GRIP1: variants seen among roughly 807,000 people sequenced by gnomAD.
GRIP1 encodes glutamate receptor-interacting protein 1.
GRIP1 carries 45 observed loss-of-function variants against 129.9 expected under a neutral mutation model. That is an observed-to-expected ratio of 0.35 (90% CI 0.27 to 0.44). The LOEUF (loss-of-function observed/expected upper bound fraction) is 0.44. GRIP1 is among the 20% of genes least tolerant of loss of function. The pLI is 1.00. For synonymous variants in GRIP1, 530 were observed against 520.8 expected (o/e 1.02, Z -0.24); for missense variants, 1,196 against 1,396.8 (o/e 0.86, Z 2.29).
chr12:66,605,553 C>T (rs187432280), intron 1 of GRIP1, among the ~76,000 whole-genome samples: 1 of 152,128 alleles, frequency 6.6e-6, no homozygotes, highest in Non-Finnish European at 1.5e-5. Context: ...GGAAAATGAT[C>T]CACATATATC....
chr12:66,402,718 C>T (rs572332593), intron 16 of GRIP1, among the ~76,000 whole-genome samples: 15 of 152,264 alleles, frequency 9.9e-5, no homozygotes, highest in South Asian at 8.3e-4. Flanking sequence ...GGAGAATATA[C>T]GCTGAATATT....
intron 1 of GRIP1, among the ~76,000 whole-genome samples, chr12:66,791,745 T>C (rs1296314540): frequency 6.6e-6 from 1 of 152,186 alleles, no homozygotes; most frequent in African/African-American, 2.4e-5. Context: ...AGCTGAGTTG[T>C]ATACTGGTGC....
At chr12:66,447,544 G>A (rs2058666393) in intron 11 of GRIP1, among the ~76,000 whole-genome samples, 1 of 152,120 alleles carries the variant, frequency 6.6e-6, no homozygotes, top group Admixed American at 6.5e-5. Flanking sequence ...ACAACATTCT[G>A]TTTAGCCTCA....
rs149045791 is a variant in GRIP1 at position 66,512,078 on chromosome 12, C to T, written c.724+3541G>A. On this transcript the variant is annotated intron_variant, in intron 7 of 24. Coordinates refer to ENST00000359742, the MANE Select transcript of GRIP1 (RefSeq NM_001366722.1). ...TTGTCACAATGTAAGATGTGCCTTG[C>T]TTCTCCATGATTGTTAAGTTTCCTG... Among the ~76,000 whole-genome samples, 73 of 152,168 alleles carry T rather than the reference C, an allele frequency of 4.8e-4. 1 individual carries two copies. Among genetic ancestry groups the T allele is most frequent in the Admixed American group, 2.8e-3 (43 of 15,266 alleles).
chr12:66,623,915 TTA>T (rs1370504712), intron 1 of GRIP1, among the ~76,000 whole-genome samples: 1 of 152,186 alleles, frequency 6.6e-6, no homozygotes, highest in African/African-American at 2.4e-5. Context: ...TTTAAATTTA[TTA>T]TCTTTTGGTT....
chr12:66,400,359 C>T (rs1480348228), intron 16 of GRIP1, among the ~76,000 whole-genome samples: 5 of 152,182 alleles, frequency 3.3e-5, no homozygotes, highest in African/African-American at 1.2e-4. Flanking sequence ...CTTGCCAACA[C>T]ACCTCTTTCC....
At chr12:66,551,922 T>G (rs548103030) in intron 2 of GRIP1, among the ~76,000 whole-genome samples, 2 of 152,152 alleles carry the variant, frequency 1.3e-5, no homozygotes, top group African/African-American at 4.8e-5. Flanking sequence ...AATATGAAAA[T>G]CCAGAACTAC....
At chr12:66,497,204 C>G (rs2060261413) in intron 7 of GRIP1, among the ~76,000 whole-genome samples, 1 of 152,156 alleles carries the variant, frequency 6.6e-6, no homozygotes, top group Non-Finnish European at 1.5e-5. Context: ...AAGAGACCAA[C>G]AGCTTAGCTT....
intron 2 of GRIP1, among the ~76,000 whole-genome samples, chr12:66,574,187 A>C (rs565902518): frequency 1.3e-5 from 2 of 152,238 alleles, no homozygotes; most frequent in South Asian, 4.2e-4. Context: ...TGGGTCAGGG[A>C]TGCCCCCCAC....
chr12:66,586,224 A>C (rs539407322), intron 2 of GRIP1, among the ~76,000 whole-genome samples: 66 of 152,220 alleles, frequency 4.3e-4, no homozygotes, highest in African/African-American at 1.5e-3. Context: ...TATTTTTGTC[A>C]GGGTCACCAA....
intron 1 of GRIP1, among the ~76,000 whole-genome samples, chr12:67,039,840 CAATT>C (rs1565651243): frequency 6.6e-6 from 1 of 152,146 alleles, no homozygotes; most frequent in Non-Finnish European, 1.5e-5. Context: ...TTATAAATAA[CAATT>C]ATCCTATTGT....
rs12321646 is a variant in GRIP1 at position 66,500,083 on chromosome 12, A to G, written c.724+15536T>C. Among the ~76,000 whole-genome samples, 920 of 152,308 alleles carry G rather than the reference A, an allele frequency of 6.0e-3. 6 individuals carry two copies. Among genetic ancestry groups the G allele is most frequent in the African/African-American group, 0.02 (846 of 41,566 alleles). On this transcript the variant is annotated intron_variant, in intron 7 of 24. Coordinates refer to ENST00000359742, the MANE Select transcript of GRIP1 (RefSeq NM_001366722.1). Reference sequence around the variant, plus strand: ...GCAGAGTAAGAAAATTAATCTCATAACAACAACAATAATAAAACAACAATA... The same window carrying G: ...GCAGAGTAAGAAAATTAATCTCATAGCAACAACAATAATAAAACAACAATA...
At chr12:66,561,531 T>C (rs1465973495) in intron 2 of GRIP1, among the ~76,000 whole-genome samples, 1 of 151,608 alleles carries the variant, frequency 6.6e-6, no homozygotes. Context: ...ATTATAACAA[T>C]ATGGTTAGTT....
intron 8 of GRIP1, 65 bp from the exon 9 acceptor site, chr12:66,463,158 C>G: frequency 7.8e-7 from 1 of 1,287,424 alleles, no homozygotes; most frequent in Non-Finnish European, 1.1e-6. Context: ...ACTTTCATGT[C>G]CTTCATAGTT....
chr12:66,422,771 C>T (rs1289745686), intron 14 of GRIP1, among the ~76,000 whole-genome samples: 1 of 152,146 alleles, frequency 6.6e-6, no homozygotes, highest in Non-Finnish European at 1.5e-5. Context: ...TGTATGGTGG[C>T]CATTTTCACA....
At chr12:67,067,851 C>T (rs898926527) in intron 1 of GRIP1, among the ~76,000 whole-genome samples, 5 of 152,194 alleles carry the variant, frequency 3.3e-5, no homozygotes, top group African/African-American at 9.7e-5. Flanking sequence ...ACCAGACTGG[C>T]CGGCCTCCTC....
intron 7 of GRIP1, among the ~76,000 whole-genome samples, chr12:66,513,761 T>C (rs1372398405): frequency 6.6e-6 from 1 of 152,082 alleles, no homozygotes; most frequent in Non-Finnish European, 1.5e-5. Context: ...AACTCTAGGG[T>C]GTGAAAACTG....
At chr12:66,693,463 T>C (rs1277775758) in intron 1 of GRIP1, among the ~76,000 whole-genome samples, 2 of 152,150 alleles carry the variant, frequency 1.3e-5, no homozygotes, top group African/African-American at 4.8e-5. Context: ...CAGTCCCCAC[T>C]AGGGTTCCTT....
intron 1 of GRIP1, among the ~76,000 whole-genome samples, chr12:66,801,047 C>T (rs557370202): frequency 2.3e-3 from 351 of 152,044 alleles, no homozygotes; most frequent in Non-Finnish European, 3.9e-3. Context: ...TTTCTTTTTG[C>T]CTTGAATACC....
Sources: allele counts gnomAD v4.1 joint callset (sites outside exome capture counted in the v4.1 genomes callset), GRCh38; gene constraint gnomAD v4.1.1; transcripts MANE v1.5; gene names NCBI Gene and HGNC (gene_info 2026-07-23, HGNC 2026-07-21).